Variants in MPDZ observed in about 807,000 individuals in gnomAD.
The protein encoded by MPDZ is multiple PDZ domain crumbs cell polarity complex component.
MPDZ carries 234 observed loss-of-function variants against 239.1 expected under a neutral mutation model. The ratio of observed to expected loss-of-function variants is 0.98; its 90% CI spans 0.88 to 1.09. MPDZ has a LOEUF of 1.09. MPDZ is among the 50% of genes least tolerant of loss of function. The pLI, the probability that MPDZ is intolerant of heterozygous loss-of-function variation, is 0.00. For synonymous variants in MPDZ, 1,048 were observed against 881.3 expected (o/e 1.19, Z -3.35); for missense variants, 3,175 against 2,510.0 (o/e 1.26, Z -5.66).
intron 18 of MPDZ, among the ~76,000 whole-genome samples, chr9:13,185,607 C>G (rs1953986865): frequency 6.6e-6 from 1 of 152,004 alleles, no homozygotes; most frequent in South Asian, 2.1e-4. Context: ...TATATTCATG[C>G]CTGGTATTTA....
At chr9:13,121,631 C>T (rs1944363916) in intron 38 of MPDZ, 108 bp downstream of exon 38, 5 of 1,157,356 alleles carry the variant, frequency 4.3e-6, no homozygotes, top group Admixed American at 1.9e-5. Flanking sequence ...CAGCTACCTA[C>T]TGAACACTAG....
At chr9:13,111,794 T>C (rs1355271654) in intron 43 of MPDZ, among the ~76,000 whole-genome samples, 2 of 152,230 alleles carry the variant, frequency 1.3e-5, no homozygotes, top group Non-Finnish European at 2.9e-5. Flanking sequence ...AAAATATGTA[T>C]TAGGAAACAA....
chr9:13,226,630 A>C (rs1054159102), intron 3 of MPDZ, among the ~76,000 whole-genome samples: 2 of 152,064 alleles, frequency 1.3e-5, no homozygotes. Context: ...CTAAGACAGC[A>C]CCATTATACT....
rs192386393 is a variant in MPDZ, at chr9:13,161,257, T to C, written c.3359+1434A>G. Reference sequence around the variant, plus strand: ...CTGGAGACCGTGGTGTTCTGGGATGTTCTGACATCCTCTAAAGAATGGTAC... The same window carrying C: ...CTGGAGACCGTGGTGTTCTGGGATGCTCTGACATCCTCTAAAGAATGGTAC... On this transcript the variant is annotated intron_variant, in intron 23 of 46. Transcript: ENST00000319217. Among the ~76,000 whole-genome samples, 86 of 152,106 alleles carry C rather than the reference T, an allele frequency of 5.7e-4. No individual in the cohort carries two copies. In the South Asian group the frequency reaches 9.5e-3, roughly 17 times the overall value.
chr9:13,249,137 CAAACTT>C (rs1967202670), intron 2 of MPDZ, among the ~76,000 whole-genome samples: 1 of 148,134 alleles, frequency 6.8e-6, no homozygotes, highest in African/African-American at 2.5e-5. Context: ...CACACACACA[CAAACTT>C]AAACAAACAA....
intron 3 of MPDZ, among the ~76,000 whole-genome samples, chr9:13,242,963 T>C (rs1486650344): frequency 2.0e-5 from 3 of 152,204 alleles, no homozygotes; most frequent in Non-Finnish European, 2.9e-5. Flanking sequence ...CCCTCGGGAA[T>C]GGAGAGCATA....
In MPDZ at chr9:13,151,833, CAT is replaced by C. The variant is rs1949213579; in HGVS notation, c.3453-1147_3453-1146del. On this transcript the variant is annotated intron_variant, in intron 24 of 46. Coordinates refer to ENST00000319217, the MANE Select transcript of MPDZ (RefSeq NM_001378778.1). The stretch of plus-strand genomic sequence containing the variant: ...ATTTTAACACAATGGAATAAAATGT[CAT>C]ATATGTTAATTTTTACAAATATTAC... Among the ~76,000 whole-genome samples, 3 of 152,012 alleles carry C rather than the reference CAT, an allele frequency of 2.0e-5. No homozygotes were observed. The South Asian group carries it at 6.2e-4, about 32-fold the overall frequency.
intron 27 of MPDZ, among the ~76,000 whole-genome samples, chr9:13,142,196 T>A (rs1947806082): frequency 1.3e-5 from 2 of 152,154 alleles, no homozygotes; most frequent in South Asian, 4.1e-4. Flanking sequence ...TTATACATCT[T>A]GCTGCATAAT....
chr9:13,119,060 T>G (rs555484025), intron 39 of MPDZ, among the ~76,000 whole-genome samples: 2 of 152,230 alleles, frequency 1.3e-5, no homozygotes, highest in African/African-American at 2.4e-5. Context: ...AAACTTTCCC[T>G]TCTATGGAAC....
chr9:13,232,865 G>GAAA (rs751725550), intron 3 of MPDZ, among the ~76,000 whole-genome samples: 2 of 76,414 alleles, frequency 2.6e-5, no homozygotes, highest in African/African-American at 4.7e-5. Context: ...AAAATGGGTG[G>GAAA]AAAAAAAAAA....
chr9:13,131,635 T>A (rs911544940), intron 32 of MPDZ, among the ~76,000 whole-genome samples: 2 of 152,190 alleles, frequency 1.3e-5, no homozygotes, highest in African/African-American at 2.4e-5. Flanking sequence ...ATAACAAGTT[T>A]CAGCAAGAAA....
At position 13,237,241 on chromosome 9, in the gene MPDZ, G is replaced by A. The variant is rs957466317; in HGVS notation, c.183+10394C>T. Among the ~76,000 whole-genome samples, 8 of 151,534 alleles carry A rather than the reference G, an allele frequency of 5.3e-5. No individual in the cohort carries two copies. In the East Asian group the frequency reaches 9.8e-4, roughly 18 times the overall value. On this transcript the variant is annotated intron_variant, in intron 3 of 46. Coordinates refer to ENST00000319217, the MANE Select transcript of MPDZ (RefSeq NM_001378778.1). ...GCAGATTGCTTGAGTCCAGGAGTTC[G>A]AGACCCGCCTGAGCAGCATGGCAAA...
chr9:13,122,483 T>C (rs4740545), intron 36 of MPDZ, among the ~76,000 whole-genome samples: 4,976 of 151,686 alleles, frequency 0.033, 222 homozygotes, highest in African/African-American at 0.097. Context: ...ATTTTTGACA[T>C]CTAGAAGACT....
chr9:13,175,901 A>T lies in MPDZ; in HGVS notation c.2932-26T>A, dbSNP rs201089279. On this transcript the variant is annotated intron_variant, in intron 20 of 46. Coordinates refer to ENST00000319217, the MANE Select transcript of MPDZ (RefSeq NM_001378778.1). Reference sequence around the variant, plus strand: ...CTTTAAGAAAGAAAAAGAAGTCACAAGTCACATGGAAAGGGAAACTAGACT... The same window carrying T: ...CTTTAAGAAAGAAAAAGAAGTCACATGTCACATGGAAAGGGAAACTAGACT... 3.8e-6 allele frequency: 6 copies of T among 1,571,134 alleles called. No individual in the cohort carries two copies. The African/African-American group carries it at 8.1e-5, about 21-fold the overall frequency.
At chr9:13,253,611 T>C (rs1222232781) in intron 1 of MPDZ, among the ~76,000 whole-genome samples, 1 of 152,210 alleles carries the variant, frequency 6.6e-6, no homozygotes, top group African/African-American at 2.4e-5. Context: ...AACTTAAGGA[T>C]ACCTGAGTGA....
At chr9:13,245,631 G>C (rs1304350187) in intron 3 of MPDZ, among the ~76,000 whole-genome samples, 1 of 152,128 alleles carries the variant, frequency 6.6e-6, no homozygotes, top group East Asian at 1.9e-4. Flanking sequence ...TGTAAGACAT[G>C]TCTCATAGAA....
At chr9:13,138,231 T>C in intron 28 of MPDZ, 78 bp from the exon 29 acceptor site, 1 of 1,361,860 alleles carries the variant, frequency 7.3e-7, no homozygotes, top group Non-Finnish European at 9.7e-7. Context: ...AGCTATTTAG[T>C]TTTACCTCAA....
At chr9:13,109,403 A>G (rs1478488487) in intron 45 of MPDZ, among the ~76,000 whole-genome samples, 1 of 152,212 alleles carries the variant, frequency 6.6e-6, no homozygotes, top group Non-Finnish European at 1.5e-5. Flanking sequence ...GGACTATATT[A>G]GAATAAGTCA....
intron 22 of MPDZ, among the ~76,000 whole-genome samples, chr9:13,163,581 G>A (rs538865827): frequency 2.6e-5 from 4 of 152,220 alleles, no homozygotes; most frequent in East Asian, 3.9e-4. Flanking sequence ...TCCTGCTTCT[G>A]ACATGGTGGA....
Sources: allele counts gnomAD v4.1 joint callset (sites outside exome capture counted in the v4.1 genomes callset), GRCh38; gene constraint gnomAD v4.1.1; transcripts MANE v1.5; gene names NCBI Gene and HGNC (gene_info 2026-07-23, HGNC 2026-07-21).